TMEM62: variants seen among roughly 807,000 people sequenced by gnomAD.
The protein encoded by TMEM62 is transmembrane protein 62.
In TMEM62, 41 loss-of-function variants were observed where a neutral mutation model predicts 70.4. That is an observed-to-expected ratio of 0.58 (90% CI 0.45 to 0.76). The LOEUF (loss-of-function observed/expected upper bound fraction) is 0.76, where lower values mean the gene tolerates loss of function less well. Among genes scored for constraint, TMEM62 ranks in the 30% least tolerant of loss-of-function variants. The pLI is 0.00. For missense variants in TMEM62, 688 were observed against 788.5 expected, an observed-to-expected ratio of 0.87 and a Z score of 1.53; for synonymous variants, 268 against 291.0, an observed-to-expected ratio of 0.92 and a Z score of 0.80.
At chr15:43,167,748 G>A (rs1478486306) in intron 10 of TMEM62, among the ~76,000 whole-genome samples, 4 of 152,146 alleles carry the variant, frequency 2.6e-5, no homozygotes, top group South Asian at 2.1e-4. Context: ...CTGCAATCTC[G>A]GCACTTTGGG....
intron 4 of TMEM62, among the ~76,000 whole-genome samples, chr15:43,145,431 T>G (rs2036553740): frequency 6.6e-6 from 1 of 152,044 alleles, no homozygotes; most frequent in African/African-American, 2.4e-5. Context: ...GGTCTCGATC[T>G]CCTGACCTCG....
intron 10 of TMEM62, among the ~76,000 whole-genome samples, chr15:43,164,929 A>T (rs2039205445): frequency 6.6e-6 from 1 of 152,096 alleles, no homozygotes; most frequent in South Asian, 2.1e-4. Flanking sequence ...CTGCTGCCAG[A>T]CATATTGGAG....
intron 10 of TMEM62, among the ~76,000 whole-genome samples, chr15:43,166,396 A>G (rs966490503): frequency 6.6e-6 from 1 of 152,180 alleles, no homozygotes; most frequent in Non-Finnish European, 1.5e-5. Flanking sequence ...CTATGTATCC[A>G]TTGCCCATAT....
Position 43,146,597 on chromosome 15 carries a change from C to T in TMEM62, c.581C>T (p.Pro194Leu), listed in dbSNP as rs1273168949. Residue 194 changes from proline (P) to leucine (L), a missense_variant, in exon 5 of 14, where the codon CCT becomes CTT. Pro to Leu is a moderately conservative substitution (Grantham distance 98, BLOSUM62 -3). Coordinates refer to ENST00000260403, the MANE Select transcript of TMEM62 (RefSeq NM_024956.4). Reference sequence around the variant, plus strand: ...GTAGATGCCACTGTAAATCCAGGGCCTAAGAGACCCTATAATTTCTTTGGA... The same window carrying T: ...GTAGATGCCACTGTAAATCCAGGGCTTAAGAGACCCTATAATTTCTTTGGA... Reference protein sequence around the residue: ...ICVDATVNPGPKRPYNFFGIL... With the variant: ...ICVDATVNPGLKRPYNFFGIL... 1 of 1,612,038 alleles carries T rather than the reference C, an allele frequency of 6.2e-7. No individual in the cohort carries two copies. The highest frequency in any genetic ancestry group is 8.5e-7 in the Non-Finnish European group (1 of 1,179,258).
At chr15:43,138,908 T>G (rs922489915) in intron 4 of TMEM62, among the ~76,000 whole-genome samples, 3 of 152,236 alleles carry the variant, frequency 2.0e-5, no homozygotes, top group Non-Finnish European at 4.4e-5. Flanking sequence ...CCTTTTTGTC[T>G]TTTTGTGACA....
chr15:43,146,290 T>C (rs1228421826), intron 4 of TMEM62: 3 of 458,174 alleles, frequency 6.5e-6, no homozygotes, highest in Non-Finnish European at 1.2e-5. Context: ...GGTTATTGAA[T>C]GAGTTTGCAT....
At chr15:43,137,356 G>A (rs905081451) in intron 3 of TMEM62, among the ~76,000 whole-genome samples, 1 of 152,200 alleles carries the variant, frequency 6.6e-6, no homozygotes, top group African/African-American at 2.4e-5. Context: ...TTTATTCTGA[G>A]TGGTATAGAA....
At chr15:43,176,499 C>T (rs957625615) in intron 11 of TMEM62, among the ~76,000 whole-genome samples, 5 of 152,180 alleles carry the variant, frequency 3.3e-5, no homozygotes, top group African/African-American at 1.2e-4. Flanking sequence ...TCCAGAGGAA[C>T]GATCAGACAG....
At chr15:43,163,005 G>A (rs868448145) in intron 10 of TMEM62, among the ~76,000 whole-genome samples, 1 of 150,526 alleles carries the variant, frequency 6.6e-6, no homozygotes, top group African/African-American at 2.4e-5. Context: ...TAAGCCCCAT[G>A]AGGGCTTATA....
At position 43,144,563 on chromosome 15, in the gene TMEM62, C is replaced by G. The variant is rs142623549; in HGVS notation, c.477-1930C>G. ...TAGGAGGGTCCTGCAATAGTCTAGTCATGATAATGAAAAGTCATACCCATC... is the reference window on the plus strand; with the variant it reads ...TAGGAGGGTCCTGCAATAGTCTAGTGATGATAATGAAAAGTCATACCCATC... On this transcript the variant is annotated intron_variant, in intron 4 of 13. Transcript: ENST00000260403. Among the ~76,000 whole-genome samples, 972 of 152,290 alleles carry G rather than the reference C, an allele frequency of 6.4e-3. 13 individuals carry two copies. The highest frequency in any genetic ancestry group is 0.022 in the African/African-American group (909 of 41,552).
chr15:43,164,375 A>C (rs960115547), intron 10 of TMEM62, among the ~76,000 whole-genome samples: 2 of 151,900 alleles, frequency 1.3e-5, no homozygotes, highest in African/African-American at 4.8e-5. Context: ...TTACAGTGTC[A>C]GAGTATTCTA....
At chr15:43,143,354 G>A (rs948516853) in intron 4 of TMEM62, among the ~76,000 whole-genome samples, 27 of 152,184 alleles carry the variant, frequency 1.8e-4, no homozygotes, top group African/African-American at 6.5e-4. Flanking sequence ...AAGCCACTAC[G>A]CCCAGCCGTA....
At chr15:43,167,975 C>A (rs1486195165) in intron 10 of TMEM62, among the ~76,000 whole-genome samples, 2 of 152,084 alleles carry the variant, frequency 1.3e-5, no homozygotes, top group African/African-American at 4.8e-5. Context: ...AATACGAAAA[C>A]CAGTCAGGCG....
intron 10 of TMEM62, among the ~76,000 whole-genome samples, chr15:43,162,913 T>G (rs539086201): frequency 6.6e-6 from 1 of 151,940 alleles, no homozygotes; most frequent in East Asian, 1.9e-4. Context: ...TTTATATACT[T>G]TACTATTTAT....
At chr15:43,140,257 C>T (rs1346099567) in intron 4 of TMEM62, among the ~76,000 whole-genome samples, 2 of 152,194 alleles carry the variant, frequency 1.3e-5, no homozygotes, top group Non-Finnish European at 2.9e-5. Flanking sequence ...TAACTGTCTT[C>T]CTATTATTGC....
chr15:43,135,695 C>T (rs772991332), intron 3 of TMEM62, 46 bp downstream of exon 3: 1 of 1,521,890 alleles, frequency 6.6e-7, no homozygotes, highest in South Asian at 1.3e-5. Flanking sequence ...GTTTTTTTCC[C>T]CCTTCAGGAA....
intron 3 of TMEM62, among the ~76,000 whole-genome samples, chr15:43,136,953 A>G (rs988209362): frequency 1.1e-4 from 16 of 152,050 alleles, no homozygotes; most frequent in Admixed American, 5.9e-4. Context: ...GGTTCTTGCT[A>G]TGTTGCTTAG....
At chr15:43,171,864 T>C (rs1011063511) in intron 11 of TMEM62, among the ~76,000 whole-genome samples, 3 of 152,008 alleles carry the variant, frequency 2.0e-5, no homozygotes, top group Non-Finnish European at 4.4e-5. Context: ...CCTAACATCA[T>C]GATCCACCCG....
Position 43,184,804 on chromosome 15 carries a change from C to A in TMEM62, c.*218C>A. ...CAAAAATAATGCCTTTATTCCTTCC[C>A]TCCCTAAGGAGGCAAAGAGTTGATT... On this transcript the variant is annotated 3_prime_UTR_variant, in exon 14 of 14. Transcript: ENST00000260403. 1 of 575,904 alleles carries A rather than the reference C, an allele frequency of 1.7e-6. No homozygotes were observed. The highest frequency in any genetic ancestry group is 3.1e-6 in the Non-Finnish European group (1 of 325,362). 35.7% of individuals were successfully genotyped at this position (575,904 alleles called of 1,614,324 possible).
Sources: allele counts gnomAD v4.1 joint callset (sites outside exome capture counted in the v4.1 genomes callset), GRCh38; gene constraint gnomAD v4.1.1; transcripts MANE v1.5; gene names NCBI Gene and HGNC (gene_info 2026-07-23, HGNC 2026-07-21).